Variants in GLG1 observed in about 807,000 individuals in gnomAD.
The protein encoded by GLG1 is Golgi apparatus protein 1.
In GLG1, 38 loss-of-function variants were observed where a neutral mutation model predicts 160.5. The ratio of observed to expected loss-of-function variants is 0.24; its 90% CI spans 0.18 to 0.31. The LOEUF is 0.31. Ranked by LOEUF, GLG1 falls within the 10% of genes least tolerant of loss-of-function variation. The pLI is 1.00. For missense variants in GLG1, 1,373 were observed against 1,505.2 expected (o/e 0.91, Z 1.45); for synonymous variants, 644 against 543.4 (o/e 1.19, Z -2.57).
At position 74,453,031 on chromosome 16, in the gene GLG1, G is replaced by A. The variant is rs775006289; in HGVS notation, c.*136C>T. Reference sequence around the variant, plus strand: ...ACGAGTGGAGGCTGGATGGGACAACGCAGTGGACATCTGCTAATGCTCTAA... The same window carrying A: ...ACGAGTGGAGGCTGGATGGGACAACACAGTGGACATCTGCTAATGCTCTAA... On this transcript the variant is annotated 3_prime_UTR_variant, in exon 26 of 26. Coordinates refer to ENST00000422840, the MANE Select transcript of GLG1 (RefSeq NM_001145667.2). 44 of 1,467,152 alleles carry A rather than the reference G, an allele frequency of 3.0e-5. No homozygotes were observed. The highest frequency in any genetic ancestry group is 3.6e-5 in the Non-Finnish European group (40 of 1,108,936). The allele number at this position is 1,467,152 out of a possible 1,614,324, so 90.9% of individuals were successfully genotyped here.
At position 74,491,001 on chromosome 16, in the gene GLG1, C is replaced by A. The variant is rs770558315; in HGVS notation, c.1449G>T (p.Ala483=). The change falls in exon 8 of 26, where the codon GCG becomes GCT. Residue 483 remains alanine, a splice_region_variant and synonymous_variant. Coordinates refer to ENST00000422840, the MANE Select transcript of GLG1 (RefSeq NM_001145667.2). ...AATGGCAATAGCAATGTCTCCTTACCGCCTGCTGGCAGTTCATTCCAAGGT... is the reference window on the plus strand; with the variant it reads ...AATGGCAATAGCAATGTCTCCTTACAGCCTGCTGGCAGTTCATTCCAAGGT... ...KGNLGMNCQQ[A]LQTLIQETDP... The A allele has an allele frequency of 1.2e-6, 2 of 1,608,928 alleles. No homozygotes were observed. The highest frequency in any genetic ancestry group is 2.2e-5 in the East Asian group (1 of 44,874).
intron 8 of GLG1, 95 bp from the exon 9 acceptor site, chr16:74,486,012 CCA>C: frequency 1.1e-6 from 1 of 892,612 alleles, no homozygotes; most frequent in Non-Finnish European, 1.7e-6. Context: ...GTCCTATTTA[CCA>C]CAATGTACTC....
At chr16:74,590,621 C>CAAAAA (rs11321370) in intron 1 of GLG1, among the ~76,000 whole-genome samples, 1 of 76,260 alleles carries the variant, frequency 1.3e-5, no homozygotes, top group Non-Finnish European at 2.4e-5. Context: ...ACTCCGTCTC[C>CAAAAA]AAAAAAAAAA....
At chr16:74,467,966 A>C in intron 17 of GLG1, 118 bp from the exon 18 acceptor site, 1 of 626,844 alleles carries the variant, frequency 1.6e-6, no homozygotes, top group South Asian at 2.0e-5. Flanking sequence ...TACATAGCAA[A>C]GTCGCCTTGC....
rs1174596064 is a variant in GLG1 at position 74,448,875 on chromosome 16, G to GGCA, written c.*4289_*4291dup. On this transcript the variant is annotated 3_prime_UTR_variant, in exon 26 of 26. Coordinates refer to ENST00000422840, the MANE Select transcript of GLG1 (RefSeq NM_001145667.2). ...GCGGCCACTTTGGAAGGCCGAAGTG[G>GGCA]GCACATCATGAGGTCAGGAGATGGA... is the stretch of plus-strand genomic sequence containing the variant. The GGCA allele has an allele frequency of 8.5e-5, 13 of 152,080 alleles. No homozygotes were observed. Among genetic ancestry groups the GGCA allele is most frequent in the Admixed American group, 5.9e-4 (9 of 15,248 alleles). The allele number at this position is 152,080 out of a possible 1,614,324, so 9.4% of individuals were successfully genotyped here. A position where few individuals can be genotyped will look rare whatever the true frequency, so the allele number is the denominator to read the frequency against.
chr16:74,575,587 C>T (rs2018979330), intron 1 of GLG1, among the ~76,000 whole-genome samples: 1 of 152,104 alleles, frequency 6.6e-6, no homozygotes, highest in Non-Finnish European at 1.5e-5. Flanking sequence ...TCAAAGATCT[C>T]TCGCTCTGTT....
intron 1 of GLG1, among the ~76,000 whole-genome samples, chr16:74,591,282 C>T (rs1018355128): frequency 6.8e-6 from 1 of 147,412 alleles, no homozygotes; most frequent in African/African-American, 2.5e-5. Flanking sequence ...CGTGAGCCAA[C>T]ATCGTGCCAC....
chr16:74,500,520 T>C (rs6564128), intron 4 of GLG1, among the ~76,000 whole-genome samples: 105,236 of 151,304 alleles, frequency 0.7, 36,781 homozygotes, highest in East Asian at 0.81. Flanking sequence ...AATCTCTAAA[T>C]AGTAGGCGAG....
At chr16:74,560,292 C>T (rs1400189818) in intron 1 of GLG1, among the ~76,000 whole-genome samples, 5 of 151,388 alleles carry the variant, frequency 3.3e-5, no homozygotes, top group African/African-American at 1.2e-4. Flanking sequence ...GGGATTTCCT[C>T]CTAACTGCTT....
chr16:74,477,961 G>A (rs976227032), intron 11 of GLG1, among the ~76,000 whole-genome samples: 15 of 84,372 alleles, frequency 1.8e-4, no homozygotes, highest in East Asian at 7.4e-4. Context: ...CAACAAGAGC[G>A]AAACTCCGTC....
intron 4 of GLG1, among the ~76,000 whole-genome samples, chr16:74,501,057 C>T (rs2016386618): frequency 6.6e-6 from 1 of 152,196 alleles, no homozygotes; most frequent in African/African-American, 2.4e-5. Context: ...GCTTCAGTGG[C>T]AGCAAATTTG....
intron 1 of GLG1, among the ~76,000 whole-genome samples, chr16:74,585,444 C>T (rs1168926663): frequency 6.6e-6 from 1 of 151,958 alleles, no homozygotes; most frequent in Non-Finnish European, 1.5e-5. Flanking sequence ...TGGTGGCTCA[C>T]GCCTATAATC....
chr16:74,602,943 C>T (rs749139151), intron 1 of GLG1, among the ~76,000 whole-genome samples: 1 of 151,764 alleles, frequency 6.6e-6, no homozygotes, highest in Non-Finnish European at 1.5e-5. Context: ...GGCAGATCAC[C>T]TAAGGTGAGG....
intron 1 of GLG1, among the ~76,000 whole-genome samples, chr16:74,575,006 CGGGGGGG>C (rs765772462): frequency 0.05 from 189 of 3,748 alleles, 74 homozygotes; most frequent in Non-Finnish European, 0.12. Context: ...TTTGGGAGGC[CGGGGGGG>C]GGGGGGGGGC....
At chr16:74,492,866 G>A in intron 7 of GLG1, 91 bp downstream of exon 7, 1 of 648,660 alleles carries the variant, frequency 1.5e-6, no homozygotes, top group African/African-American at 1.9e-5. Context: ...AGCAAATATG[G>A]GAGGAAACTA....
intron 1 of GLG1, among the ~76,000 whole-genome samples, chr16:74,571,500 T>C (rs1053069309): frequency 1.3e-5 from 2 of 152,000 alleles, no homozygotes; most frequent in African/African-American, 2.4e-5. Flanking sequence ...TTCAGAGACC[T>C]TGTCTTTATA....
chr16:74,523,810 G>T (rs762102816), intron 2 of GLG1, among the ~76,000 whole-genome samples: 2 of 152,026 alleles, frequency 1.3e-5, no homozygotes, highest in African/African-American at 2.4e-5. Flanking sequence ...AAGTTCATCT[G>T]TTAAGTACTT....
intron 13 of GLG1, among the ~76,000 whole-genome samples, chr16:74,473,402 C>T (rs1390991249): frequency 3.4e-5 from 5 of 145,732 alleles, no homozygotes; most frequent in African/African-American, 1.0e-4. Flanking sequence ...TTAGTAGAAA[C>T]GGGGTTTCAC....
chr16:74,455,534 G>A (rs550882046), intron 25 of GLG1, among the ~76,000 whole-genome samples: 1 of 152,354 alleles, frequency 6.6e-6, no homozygotes, highest in Admixed American at 6.5e-5. Flanking sequence ...GCAGAAGGGT[G>A]AGGAGAGTGT....
Sources: allele counts gnomAD v4.1 joint callset (sites outside exome capture counted in the v4.1 genomes callset), GRCh38; gene constraint gnomAD v4.1.1; transcripts MANE v1.5; gene names NCBI Gene and HGNC (gene_info 2026-07-23, HGNC 2026-07-21).